The following R3HDM1 variants were observed in gnomAD, a reference collection of about 807,000 sequenced individuals.
The protein encoded by R3HDM1 is R3H domain-containing protein 1.
Under a neutral mutation model 141.1 loss-of-function variants are expected in R3HDM1, and 46 were observed. That is an observed-to-expected ratio of 0.33 (90% confidence interval 0.26 to 0.42). The LOEUF is 0.42. Among genes scored for constraint, R3HDM1 ranks in the 10% least tolerant of loss-of-function variants. R3HDM1 has a pLI of 1.00. For synonymous variants in R3HDM1, 435 were observed against 472.9 expected, an observed-to-expected ratio of 0.92 and a Z score of 1.04; for missense variants, 1,184 against 1,368.3, an observed-to-expected ratio of 0.87 and a Z score of 2.12.
chr2:135,552,645 T>C (rs1700044665), intron 1 of R3HDM1, among the ~76,000 whole-genome samples: 2 of 152,176 alleles, frequency 1.3e-5, no homozygotes, highest in African/African-American at 4.8e-5. Flanking sequence ...ATTTAGATTG[T>C]ATATTAATTA....
chr2:135,645,135 A>G (rs1365083332), intron 15 of R3HDM1: 1 of 307,500 alleles, frequency 3.3e-6, no homozygotes, highest in African/African-American at 3.1e-5. Context: ...GGTCTGGGCC[A>G]GTACCCCATA....
chr2:135,591,458 T>TG (rs1255187169), intron 1 of R3HDM1, among the ~76,000 whole-genome samples: 2 of 152,210 alleles, frequency 1.3e-5, no homozygotes, highest in Non-Finnish European at 1.5e-5. Context: ...GTCCAACACT[T>TG]GCCAAAGTCT....
intron 19 of R3HDM1, among the ~76,000 whole-genome samples, chr2:135,666,720 G>A (rs1202497462): frequency 6.6e-6 from 1 of 152,150 alleles, no homozygotes; most frequent in Non-Finnish European, 1.5e-5. Flanking sequence ...GGGGATGAGA[G>A]ATGAGAAGGG....
At chr2:135,630,341 A>G (rs2062587493) in intron 7 of R3HDM1, among the ~76,000 whole-genome samples, 1 of 149,120 alleles carries the variant, frequency 6.7e-6, no homozygotes, top group South Asian at 2.1e-4. Context: ...TACTTCTACT[A>G]TCATATACTG....
chr2:135,697,671 C>T (rs2073464213), intron 21 of R3HDM1, among the ~76,000 whole-genome samples: 1 of 152,106 alleles, frequency 6.6e-6, no homozygotes, highest in African/African-American at 2.4e-5. Context: ...TCTATTATTC[C>T]ATTTATTTAG....
intron 21 of R3HDM1, among the ~76,000 whole-genome samples, chr2:135,705,833 A>G (rs1459897054): frequency 6.6e-6 from 1 of 152,228 alleles, no homozygotes; most frequent in East Asian, 1.9e-4. Context: ...GCACTGTAAA[A>G]AAACTCAGAA....
At chr2:135,654,487 T>C (rs1430651274) in intron 18 of R3HDM1, among the ~76,000 whole-genome samples, 1 of 152,040 alleles carries the variant, frequency 6.6e-6, no homozygotes, top group Non-Finnish European at 1.5e-5. Flanking sequence ...GTCTCTTTGT[T>C]GCCCAGGCTG....
intron 1 of R3HDM1, among the ~76,000 whole-genome samples, chr2:135,562,133 A>C (rs1362908363): frequency 1.3e-5 from 2 of 152,268 alleles, no homozygotes; most frequent in Non-Finnish European, 2.9e-5. Flanking sequence ...TCATAATCTC[A>C]GATAGTTACA....
intron 3 of R3HDM1, 99 bp from the exon 4 acceptor site, chr2:135,616,053 T>A: frequency 8.4e-7 from 1 of 1,187,724 alleles, no homozygotes; most frequent in Admixed American, 1.9e-5. Context: ...TTTCATACTT[T>A]ATGCACAGTT....
intron 2 of R3HDM1, 78 bp downstream of exon 2, chr2:135,602,786 T>G: frequency 4.8e-6 from 6 of 1,252,632 alleles, no homozygotes; most frequent in Non-Finnish European, 6.3e-6. Context: ...GCCAGTGTCT[T>G]AAGTAACTTC....
intron 1 of R3HDM1, among the ~76,000 whole-genome samples, chr2:135,557,299 G>T (rs192837459): frequency 6.6e-6 from 1 of 151,220 alleles, no homozygotes; most frequent in Admixed American, 6.6e-5. Context: ...CATATTTAAC[G>T]TAAGTATATC....
intron 1 of R3HDM1, among the ~76,000 whole-genome samples, chr2:135,572,413 C>T (rs1704341601): frequency 6.6e-6 from 1 of 152,128 alleles, no homozygotes; most frequent in Non-Finnish European, 1.5e-5. Context: ...CCAATAAGCA[C>T]ATAGAAGGAT....
chr2:135,670,138 C>CA (rs869047478), intron 19 of R3HDM1: 9,582 of 96,384 alleles, frequency 0.099, 179 homozygotes, highest in Middle Eastern at 0.12. Context: ...GACTCAGTCT[C>CA]AAAAAAAAAA....
intron 5 of R3HDM1, among the ~76,000 whole-genome samples, chr2:135,621,009 A>C (rs1211885943): frequency 6.6e-6 from 1 of 152,048 alleles, no homozygotes; most frequent in Non-Finnish European, 1.5e-5. Flanking sequence ...AAATGTTTGT[A>C]CTTAACATTT....
intron 1 of R3HDM1, among the ~76,000 whole-genome samples, chr2:135,531,947 CA>C (rs1467254667): frequency 6.6e-6 from 1 of 152,222 alleles, no homozygotes; most frequent in Non-Finnish European, 1.5e-5. Context: ...ATGTGAAAAG[CA>C]AACCCCTCGA....
intron 1 of R3HDM1, among the ~76,000 whole-genome samples, chr2:135,561,661 C>T (rs771502286): frequency 6.6e-6 from 1 of 151,624 alleles, no homozygotes; most frequent in Non-Finnish European, 1.5e-5. Flanking sequence ...GAGGCTGTAG[C>T]GAGCCACCAT....
intron 2 of R3HDM1, among the ~76,000 whole-genome samples, chr2:135,603,972 G>C (rs2059837339): frequency 6.6e-6 from 1 of 152,092 alleles, no homozygotes; most frequent in African/African-American, 2.4e-5. Flanking sequence ...CTTAATCTCT[G>C]ATACATTAAT....
rs188777357 is a variant in R3HDM1 at position 135,532,598 on chromosome 2, C to T, written c.-250+965C>T. Among the ~76,000 whole-genome samples, 11 of 151,456 alleles carry T rather than the reference C, an allele frequency of 7.3e-5. No homozygotes were observed. The East Asian group carries it at 2.1e-3, about 29-fold the overall frequency. ...ATATATCTTCATGGTTATAGTTTAC[C>T]TAATTGTAACTGTAAGAAACCTTTT... On this transcript the variant is annotated intron_variant, in intron 1 of 26. Coordinates refer to ENST00000683871, the MANE Select transcript of R3HDM1 (RefSeq NM_001378107.1).
chr2:135,552,257 A>G (rs1385827516), intron 1 of R3HDM1, among the ~76,000 whole-genome samples: 1 of 151,924 alleles, frequency 6.6e-6, no homozygotes, highest in Non-Finnish European at 1.5e-5. Context: ...GTGCAATGGC[A>G]TGATCTTGGC....
Sources: allele counts gnomAD v4.1 joint callset (sites outside exome capture counted in the v4.1 genomes callset), GRCh38; gene constraint gnomAD v4.1.1; transcripts MANE v1.5; gene names NCBI Gene and HGNC (gene_info 2026-07-23, HGNC 2026-07-21).